SOX5: variants seen among roughly 807,000 people sequenced by gnomAD.
SOX5 encodes SRY-box transcription factor 5.
A neutral mutation model predicts 92.0 loss-of-function variants in SOX5; 9 were observed. The ratio of observed to expected loss-of-function variants is 0.10; its 90% confidence interval spans 0.06 to 0.17. SOX5 has a LOEUF of 0.17. Ranked by LOEUF, SOX5 falls within the 10% of genes least tolerant of loss-of-function variation. SOX5 has a pLI of 1.00. For missense variants in SOX5, 642 were observed against 944.5 expected (o/e 0.68, Z 4.20); for synonymous variants, 344 against 336.3 (o/e 1.02, Z -0.25).
At chr12:23,751,281 T>C (rs977251677) in intron 4 of SOX5, among the ~76,000 whole-genome samples, 5 of 151,928 alleles carry the variant, frequency 3.3e-5, no homozygotes, top group Non-Finnish European at 5.9e-5. Flanking sequence ...TTTAGGTTAA[T>C]GTACAAATGT....
At chr12:24,082,092 C>T (rs1017791982) in intron 4 of SOX5, among the ~76,000 whole-genome samples, 1 of 151,798 alleles carries the variant, frequency 6.6e-6, no homozygotes. Flanking sequence ...AGCTGACTTG[C>T]TATTTTCGAG....
At chr12:24,156,040 C>A (rs946086626) in intron 4 of SOX5, among the ~76,000 whole-genome samples, 1 of 152,122 alleles carries the variant, frequency 6.6e-6, no homozygotes, top group Non-Finnish European at 1.5e-5. Flanking sequence ...TGGCTATGGG[C>A]CTTGTTTCTC....
intron 3 of SOX5, among the ~76,000 whole-genome samples, chr12:24,239,413 T>C (rs889640272): frequency 2.0e-5 from 3 of 152,228 alleles, no homozygotes; most frequent in African/African-American, 7.2e-5. Flanking sequence ...TTTACATTAT[T>C]GTCTGAAACT....
At chr12:23,626,078 GGAAAAAATGAA>G (rs1205373560) in intron 8 of SOX5, among the ~76,000 whole-genome samples, 1 of 151,364 alleles carries the variant, frequency 6.6e-6, no homozygotes, top group Non-Finnish European at 1.5e-5. Context: ...TAAAAATAGA[GGAAAAAATGAA>G]GAAAAAAGGA....
At chr12:23,639,959 T>C (rs923854253) in intron 8 of SOX5, among the ~76,000 whole-genome samples, 5 of 152,224 alleles carry the variant, frequency 3.3e-5, no homozygotes, top group African/African-American at 7.2e-5. Flanking sequence ...AGGCATACTG[T>C]GTCTTTCAGG....
chr12:23,998,556 G>T (rs962035906), intron 4 of SOX5, among the ~76,000 whole-genome samples: 4 of 152,072 alleles, frequency 2.6e-5, no homozygotes, highest in Admixed American at 2.6e-4. Context: ...TGTAATCCCA[G>T]CACTTTGGGA....
intron 9 of SOX5, among the ~76,000 whole-genome samples, chr12:23,576,248 A>G (rs1250745202): frequency 6.6e-6 from 1 of 152,006 alleles, no homozygotes; most frequent in Non-Finnish European, 1.5e-5. Flanking sequence ...GTACCCTGGT[A>G]CCTAGGCAGA....
At chr12:23,984,053 C>T (rs752323275) in intron 4 of SOX5, among the ~76,000 whole-genome samples, 1 of 152,088 alleles carries the variant, frequency 6.6e-6, no homozygotes, top group Non-Finnish European at 1.5e-5. Flanking sequence ...AAAGGCCAAC[C>T]TCTCCTCCTT....
At chr12:24,334,006 A>T (rs1044670545) in intron 2 of SOX5, among the ~76,000 whole-genome samples, 2 of 151,850 alleles carry the variant, frequency 1.3e-5, no homozygotes, top group African/African-American at 4.8e-5. Flanking sequence ...ACCCTGAAAC[A>T]AATTCTATCA....
At chr12:23,557,937 T>C (rs949545461) in intron 11 of SOX5, among the ~76,000 whole-genome samples, 7 of 149,602 alleles carry the variant, frequency 4.7e-5, no homozygotes, top group Admixed American at 2.0e-4. Flanking sequence ...GATCGCGCCA[T>C]TGCACTCCAG....
chr12:24,519,680 C>CA (rs1252661893), intron 1 of SOX5, among the ~76,000 whole-genome samples: 3 of 152,160 alleles, frequency 2.0e-5, no homozygotes, highest in African/African-American at 4.8e-5. Flanking sequence ...AGGGGAATAA[C>CA]AAATCATTAA....
chr12:24,091,313 G>A (rs1006895997), intron 4 of SOX5, among the ~76,000 whole-genome samples: 8 of 151,910 alleles, frequency 5.3e-5, no homozygotes, highest in Non-Finnish European at 1.0e-4. Flanking sequence ...GTCATATACT[G>A]TATCATTGGT....
intron 4 of SOX5, among the ~76,000 whole-genome samples, chr12:24,152,680 T>C (rs1032773079): frequency 6.6e-6 from 1 of 151,902 alleles, no homozygotes; most frequent in Admixed American, 6.6e-5. Flanking sequence ...GTTCTGTTTT[T>C]GAAAAAAAAA....
intron 10 of SOX5, among the ~76,000 whole-genome samples, chr12:23,564,884 C>T (rs1051580033): frequency 2.0e-5 from 3 of 152,162 alleles, no homozygotes; most frequent in African/African-American, 4.8e-5. Context: ...GCTGCTTAAA[C>T]GTTTCTATTG....
chr12:24,451,467 C>G (rs1942291914), intron 1 of SOX5, among the ~76,000 whole-genome samples: 1 of 152,122 alleles, frequency 6.6e-6, no homozygotes, highest in Non-Finnish European at 1.5e-5. Flanking sequence ...TTATTTATTG[C>G]TTACCTTTTG....
chr12:24,099,528 G>A (rs1945826921), intron 4 of SOX5, among the ~76,000 whole-genome samples: 1 of 152,078 alleles, frequency 6.6e-6, no homozygotes, highest in African/African-American at 2.4e-5. Flanking sequence ...ACAGTAAGAG[G>A]GTGTGACATG....
At chr12:23,863,324 T>C (rs1269325506) in intron 2 of SOX5, among the ~76,000 whole-genome samples, 1 of 152,184 alleles carries the variant, frequency 6.6e-6, no homozygotes, top group African/African-American at 2.4e-5. Context: ...CTAAATTTAT[T>C]AATGTGACAA....
At chr12:24,113,587 G>C (rs949815926) in intron 4 of SOX5, among the ~76,000 whole-genome samples, 2 of 152,050 alleles carry the variant, frequency 1.3e-5, no homozygotes, top group African/African-American at 4.8e-5. Context: ...CAATCTTTCA[G>C]AGACACCATA....
chr12:24,337,932 A>G (rs1595721936), intron 2 of SOX5, among the ~76,000 whole-genome samples: 1 of 142,638 alleles, frequency 7.0e-6, no homozygotes, highest in East Asian at 6.2e-4. Flanking sequence ...TGTGACACAC[A>G]AAATTTTTTT....
Sources: allele counts gnomAD v4.1 joint callset (sites outside exome capture counted in the v4.1 genomes callset), GRCh38; gene constraint gnomAD v4.1.1; transcripts MANE v1.5; gene names NCBI Gene and HGNC (gene_info 2026-07-23, HGNC 2026-07-21).